Variants in ABCG1 observed in about 807,000 individuals in gnomAD.
The protein encoded by ABCG1 is ATP-binding cassette sub-family G member 1.
Under a neutral mutation model 69.2 loss-of-function variants are expected in ABCG1, and 29 were observed. That is an observed-to-expected ratio of 0.42 (90% confidence interval 0.31 to 0.57). The LOEUF (loss-of-function observed/expected upper bound fraction) is 0.57, where lower values mean the gene tolerates loss of function less well. Among genes scored for constraint, ABCG1 ranks in the 20% least tolerant of loss-of-function variants. The probability of loss-of-function intolerance (pLI) is 0.15; values close to 1 mark genes in which losing one functional copy is unlikely to be tolerated. For missense variants in ABCG1, 718 were observed against 898.1 expected, an observed-to-expected ratio of 0.80 and a Z score of 2.56; for synonymous variants, 370 against 374.8, an observed-to-expected ratio of 0.99 and a Z score of 0.15.
At chr21:42,201,601 T>C in exon 2 of ABCG1, 1 of 1,555,258 alleles carries the variant, frequency 6.4e-7, no homozygotes, top group Non-Finnish European at 8.7e-7. Context: ...GAACTTCGCT[T>C]CCTGAGACCT....
intron 2 of ABCG1, among the ~76,000 whole-genome samples, chr21:42,250,479 G>A (rs887139192): frequency 2.0e-5 from 3 of 152,158 alleles, no homozygotes; most frequent in Non-Finnish European, 4.4e-5. Flanking sequence ...GCATGCAGTG[G>A]TGCCCAAACG....
chr21:42,212,484 C>T (rs59793609), upstream of ABCG1, among the ~76,000 whole-genome samples: 6 of 152,026 alleles, frequency 3.9e-5, no homozygotes, highest in South Asian at 2.1e-4. Context: ...AAATGAGGAA[C>T]GTGTTACTGG....
At chr21:42,259,965 C>T in intron 2 of ABCG1, 2 of 1,497,216 alleles carry the variant, frequency 1.3e-6, no homozygotes, top group Non-Finnish European at 1.8e-6. Context: ...GCTTGCTCTT[C>T]CCCTTCCCTC....
chr21:42,248,765 G>A (rs1366689856), intron 2 of ABCG1, among the ~76,000 whole-genome samples: 1 of 151,866 alleles, frequency 6.6e-6, no homozygotes, highest in African/African-American at 2.4e-5. Context: ...AAAACACCTG[G>A]GCATGGTGGT....
In ABCG1 at chr21:42,287,376, G is replaced by T. The variant is rs1233400929; in HGVS notation, c.974-513G>T. 6.6e-6 allele frequency among the ~76,000 whole-genome samples: 1 copy of T among 152,166 alleles called. No individual in the cohort carries two copies. The highest frequency in any genetic ancestry group is 1.5e-5 in the Non-Finnish European group (1 of 68,020). The stretch of plus-strand genomic sequence containing the variant: ...GGAGACGCTCACTGGGATCTGAGAG[G>T]TGCAGGTTGAGGGTCCCAGGACCTC... On this transcript the variant is annotated intron_variant, in intron 8 of 14. Coordinates refer to ENST00000398449, the MANE Select transcript of ABCG1 (RefSeq NM_016818.3). This position sits in a 1 kb window ranked among gnomAD's most constrained non-coding sequence, Gnocchi z 6.2.
rs565284474 is a variant in ABCG1, at chr21:42,219,990, C to T, written c.42+686C>T. On this transcript the variant is annotated intron_variant, in intron 1 of 14. Transcript: ENST00000398449. This position sits in a 1 kb window ranked among gnomAD's most constrained non-coding sequence, Gnocchi z 5.3. Reference sequence around the variant, plus strand: ...GACAGGGATGCGCATTTCACTTCCCCGAGCTCCGGAGAGGGATGGCGGGGT... The same window carrying T: ...GACAGGGATGCGCATTTCACTTCCCTGAGCTCCGGAGAGGGATGGCGGGGT... The T allele has an allele frequency of 1.3e-6, 2 of 1,553,220 alleles. No homozygotes were observed. The highest frequency in any genetic ancestry group is 1.9e-5 in the Admixed American group (1 of 51,310).
chr21:42,251,796 CCAGG>C (rs2068226010), intron 2 of ABCG1, among the ~76,000 whole-genome samples: 3 of 152,230 alleles, frequency 2.0e-5, no homozygotes, highest in Non-Finnish European at 4.4e-5. Context: ...CCTACTCTTC[CCAGG>C]CAGGCCACGC....
intron 2 of ABCG1, among the ~76,000 whole-genome samples, chr21:42,244,110 C>G (rs567935083): frequency 2.6e-5 from 4 of 152,176 alleles, no homozygotes; most frequent in Admixed American, 6.5e-5. Context: ...TGAGCCCCCA[C>G]GCCCGGCCTA....
intron 2 of ABCG1, among the ~76,000 whole-genome samples, chr21:42,242,224 C>T (rs764225577): frequency 6.6e-6 from 1 of 152,208 alleles, no homozygotes; most frequent in Non-Finnish European, 1.5e-5. Context: ...ATACAATGGG[C>T]CTGGCACAGT....
At chr21:42,200,361 TC>T (rs1452054662) in intron 1 of ABCG1, among the ~76,000 whole-genome samples, 3 of 152,022 alleles carry the variant, frequency 2.0e-5, no homozygotes, top group Non-Finnish European at 4.4e-5. Flanking sequence ...CTTCCCAGCC[TC>T]CCCCTCTCAG....
intron 2 of ABCG1, among the ~76,000 whole-genome samples, chr21:42,208,827 T>C (rs1004119245): frequency 6.6e-6 from 1 of 152,238 alleles, no homozygotes; most frequent in Non-Finnish European, 1.5e-5. Context: ...GTTTTTCTCC[T>C]AAAGCCTTTA....
At chr21:42,225,538 C>T (rs1348493590) in intron 1 of ABCG1, 133 bp from the exon 2 acceptor site, 10 of 1,150,154 alleles carry the variant, frequency 8.7e-6, no homozygotes, top group Non-Finnish European at 1.2e-5. Flanking sequence ...CTCCTGGGGC[C>T]AAAGGTGCTC....
intron 2 of ABCG1, among the ~76,000 whole-genome samples, chr21:42,255,579 G>A (rs1246980084): frequency 6.6e-6 from 1 of 152,204 alleles, no homozygotes; most frequent in Non-Finnish European, 1.5e-5. Context: ...AGTTGTAATA[G>A]GCAGAAGGAG....
intron 2 of ABCG1, among the ~76,000 whole-genome samples, chr21:42,250,706 C>G (rs983370804): frequency 6.6e-6 from 1 of 152,186 alleles, no homozygotes; most frequent in African/African-American, 2.4e-5. Flanking sequence ...TCCCGCGGTA[C>G]CCTCCATGTG....
chr21:42,288,267 C>A lies in ABCG1; in HGVS notation c.1179C>A (p.Phe393Leu). 1 of 1,614,200 alleles carries A rather than the reference C, an allele frequency of 6.2e-7. No individual in the cohort carries two copies. The highest frequency in any genetic ancestry group is 1.1e-5 in the South Asian group (1 of 91,088). Residue 393 changes from phenylalanine to leucine, a missense_variant, in exon 10 of 15, where the codon TTC (phenylalanine) becomes TTA (leucine). Phe to Leu is a conservative substitution (Grantham distance 22). This residue lies in a region of ABCG1 where 514 missense variants were observed against 574.3 expected (regional missense o/e 0.90). Transcript: ENST00000398449. The surrounding 1 kb of genome is among the most constrained non-coding windows in gnomAD (Gnocchi z 4.8). Reference sequence around the variant, plus strand: ...TCTCTGCCAGCTGCCTCACGCAGTTCTGCATCCTCTTCAAGAGGACCTTCC... The same window carrying A: ...TCTCTGCCAGCTGCCTCACGCAGTTATGCATCCTCTTCAAGAGGACCTTCC... ...HSFSASCLTQ[F>L]CILFKRTFLS...
At chr21:42,241,389 G>T (rs952547760) in intron 2 of ABCG1, among the ~76,000 whole-genome samples, 3 of 152,138 alleles carry the variant, frequency 2.0e-5, no homozygotes, top group African/African-American at 7.2e-5. Flanking sequence ...TGAATTACTT[G>T]AGGTCAGGAG....
chr21:42,259,166 GT>G lies in ABCG1; in HGVS notation c.287-11903del, dbSNP rs1569223329. 5 of 1,349,062 alleles carry G rather than the reference GT, an allele frequency of 3.7e-6. No individual in the cohort carries two copies. In the Admixed American group the frequency reaches 1.6e-4, roughly 42 times the overall value. The allele number at this position is 1,349,062 out of a possible 1,614,324, so 83.6% of individuals were successfully genotyped here. A position where few individuals can be genotyped will look rare whatever the true frequency, so the allele number is the denominator to read the frequency against. On this transcript the variant is annotated intron_variant, in intron 2 of 14. Coordinates refer to ENST00000398449, the MANE Select transcript of ABCG1 (RefSeq NM_016818.3). ...GCAAAGGCCCCTGCCTGGGAGACAT[GT>G]CTTGGTGTGAGAGAGACGACATTGC...
At chr21:42,226,637 T>C (rs2067821521) in intron 2 of ABCG1, among the ~76,000 whole-genome samples, 1 of 152,210 alleles carries the variant, frequency 6.6e-6, no homozygotes, top group Non-Finnish European at 1.5e-5. Flanking sequence ...TGTGTTTTTT[T>C]CAAGCCTGAT....
At chr21:42,203,219 G>T (rs1454549693) in intron 2 of ABCG1, among the ~76,000 whole-genome samples, 1 of 152,174 alleles carries the variant, frequency 6.6e-6, no homozygotes, top group Non-Finnish European at 1.5e-5. Flanking sequence ...ATCCTTTGTT[G>T]GAGATGAGAT....
Sources: allele counts gnomAD v4.1 joint callset (sites outside exome capture counted in the v4.1 genomes callset), GRCh38; gene constraint gnomAD v4.1.1; regional missense constraint gnomAD v4.1.1; non-coding constraint Gnocchi (gnomAD v3.1); transcripts MANE v1.5; gene names NCBI Gene and HGNC (gene_info 2026-07-23, HGNC 2026-07-21).